SLC8A1: variants seen among roughly 807,000 people sequenced by gnomAD.
The protein encoded by SLC8A1 is sodium/calcium exchanger 1.
In SLC8A1, 18 loss-of-function variants were observed where a neutral mutation model predicts 68.3. The observed-to-expected ratio is 0.26, with a 90% confidence interval of 0.18 to 0.39. The LOEUF (loss-of-function observed/expected upper bound fraction) is 0.39, where lower values mean the gene tolerates loss of function less well. SLC8A1 is among the 10% of genes least tolerant of loss of function. The pLI is 1.00. For synonymous variants in SLC8A1, 475 were observed against 415.5 expected (o/e 1.14, Z -1.74); for missense variants, 985 against 1,156.7 (o/e 0.85, Z 2.15).
chr2:40,293,656 G>T (rs1185591043), intron 2 of SLC8A1, among the ~76,000 whole-genome samples: 1 of 152,136 alleles, frequency 6.6e-6, no homozygotes. Flanking sequence ...GAAGGGCAGA[G>T]AAAGCAACTC....
intron 2 of SLC8A1, among the ~76,000 whole-genome samples, chr2:40,293,476 T>C (rs2069725447): frequency 1.3e-5 from 2 of 152,322 alleles, no homozygotes; most frequent in East Asian, 3.9e-4. Flanking sequence ...GTTTGTATAC[T>C]AGTCACTGGA....
At chr2:40,183,201 G>C (rs530599358) in intron 2 of SLC8A1, among the ~76,000 whole-genome samples, 30 of 152,286 alleles carry the variant, frequency 2.0e-4, no homozygotes, top group Admixed American at 3.3e-4. Context: ...CCTGTGACTG[G>C]CTTCAGGAAC....
At chr2:40,102,994 A>G (rs2033985479) in exon 8 of SLC8A1, 3 of 152,298 alleles carry the variant, frequency 2.0e-5, no homozygotes, top group Admixed American at 6.5e-5. Flanking sequence ...TTCTTTCTCA[A>G]TATTGAGTCT....
At chr2:40,239,057 A>G (rs1275271964) in intron 2 of SLC8A1, among the ~76,000 whole-genome samples, 1 of 152,192 alleles carries the variant, frequency 6.6e-6, no homozygotes, top group Non-Finnish European at 1.5e-5. Flanking sequence ...AGCAGAAAAA[A>G]AAAAAAGAAT....
At chr2:40,187,065 G>C (rs1167241361) in intron 2 of SLC8A1, among the ~76,000 whole-genome samples, 1 of 152,206 alleles carries the variant, frequency 6.6e-6, no homozygotes, top group Admixed American at 6.5e-5. Flanking sequence ...GCAGATGGTA[G>C]AGTTGTGGGT....
At chr2:40,202,422 C>T (rs2054559352) in intron 2 of SLC8A1, among the ~76,000 whole-genome samples, 1 of 151,888 alleles carries the variant, frequency 6.6e-6, no homozygotes, top group African/African-American at 2.4e-5. Flanking sequence ...CACTTCCTGA[C>T]TTGTATGGTG....
At chr2:40,183,447 T>C (rs1318856882) in intron 2 of SLC8A1, among the ~76,000 whole-genome samples, 2 of 152,186 alleles carry the variant, frequency 1.3e-5, no homozygotes, top group Admixed American at 6.5e-5. Flanking sequence ...AGTTAAATCA[T>C]TGAGGAGATA....
intron 2 of SLC8A1, among the ~76,000 whole-genome samples, chr2:40,376,000 C>T (rs1298534346): frequency 6.6e-6 from 1 of 151,412 alleles, no homozygotes. Context: ...GACCCTGTCT[C>T]AAAATAAATA....
At chr2:40,113,982 T>C (rs188873938) in exon 8 of SLC8A1, 37 of 152,858 alleles carry the variant, frequency 2.4e-4, no homozygotes, top group African/African-American at 8.2e-4. Flanking sequence ...CAATAATCCA[T>C]TTTCTCCTTT....
intron 2 of SLC8A1, among the ~76,000 whole-genome samples, chr2:40,362,280 G>GA (rs535186754): frequency 1.3e-3 from 201 of 149,470 alleles, no homozygotes; most frequent in African/African-American, 4.7e-3. Context: ...AATGGAAAAA[G>GA]AAAAAAAGAA....
rs1052706558 is a variant in SLC8A1 at position 40,362,404 on chromosome 2, A to C, written c.1808+66069T>G. ...TATACAGGTAAATAATCTCAATTTA[A>C]AGTAGGAATAACACTTGCAAGACAA... On this transcript the variant is annotated intron_variant, in intron 2 of 7. Transcript: ENST00000406785. Among the ~76,000 whole-genome samples the C allele has an allele frequency of 3.8e-4, 58 of 152,286 alleles. 1 individual carries two copies. The highest frequency in any genetic ancestry group is 1.8e-3 in the Admixed American group (27 of 15,284).
At chr2:40,120,483 A>G (rs181351631) in intron 7 of SLC8A1, among the ~76,000 whole-genome samples, 2 of 152,302 alleles carry the variant, frequency 1.3e-5, no homozygotes, top group South Asian at 2.1e-4. Context: ...TTTAGATTGC[A>G]GTTTCCTCAT....
At chr2:40,376,071 C>T (rs77743143) in intron 2 of SLC8A1, among the ~76,000 whole-genome samples, 4,093 of 152,104 alleles carry the variant, frequency 0.027, 82 homozygotes, top group Non-Finnish European at 0.039. Flanking sequence ...ATTTAGAATG[C>T]TGAATGAAGA....
intron 1 of SLC8A1, among the ~76,000 whole-genome samples, chr2:40,482,286 G>A (rs1262110489): frequency 6.6e-6 from 1 of 151,990 alleles, no homozygotes; most frequent in African/African-American, 2.4e-5. Flanking sequence ...CACATTGCAG[G>A]GTCATTTATA....
At chr2:40,283,562 C>T (rs1379206244) in intron 2 of SLC8A1, among the ~76,000 whole-genome samples, 1 of 152,148 alleles carries the variant, frequency 6.6e-6, no homozygotes, top group Non-Finnish European at 1.5e-5. Context: ...TTGTGACAAC[C>T]CTTTCCAAAA....
At chr2:40,302,531 T>G (rs563782409) in intron 2 of SLC8A1, among the ~76,000 whole-genome samples, 1 of 148,990 alleles carries the variant, frequency 6.7e-6, no homozygotes, top group African/African-American at 2.5e-5. Flanking sequence ...AACATATATA[T>G]TTACACACAT....
At chr2:40,414,698 CTT>C (rs1402497233) in intron 2 of SLC8A1, among the ~76,000 whole-genome samples, 3 of 151,994 alleles carry the variant, frequency 2.0e-5, no homozygotes, top group African/African-American at 7.3e-5. Flanking sequence ...TAACTCTTCT[CTT>C]GTTTAAAATC....
intron 2 of SLC8A1, among the ~76,000 whole-genome samples, chr2:40,415,859 T>TATACACAC (rs375766392): frequency 8.8e-6 from 1 of 113,536 alleles, no homozygotes. Flanking sequence ...ACTAAAAGTA[T>TATACACAC]ACACACACAC....
In SLC8A1 at chr2:40,174,851, GA is replaced by G. The variant is rs1387254404; in HGVS notation, c.1913-10del. The G allele has an allele frequency of 2.5e-6, 4 of 1,606,712 alleles. No homozygotes were observed. The highest frequency in any genetic ancestry group is 3.4e-6 in the Non-Finnish European group (4 of 1,174,540). Reference sequence around the variant, plus strand: ...TGTTATTGTGAAGCCACCTAAAAAAGAAAAAAACAACAACAAATGTTATAAT... The same window carrying G: ...TGTTATTGTGAAGCCACCTAAAAAAGAAAAAACAACAACAAATGTTATAAT... On this transcript the variant is annotated splice_polypyrimidine_tract_variant and intron_variant, in intron 3 of 7. Coordinates refer to ENST00000406785, the Ensembl canonical transcript of SLC8A1.
Sources: allele counts gnomAD v4.1 joint callset (sites outside exome capture counted in the v4.1 genomes callset), GRCh38; gene constraint gnomAD v4.1.1; transcripts MANE v1.5; gene names NCBI Gene and HGNC (gene_info 2026-07-23, HGNC 2026-07-21).